ANTXR1: variants seen among roughly 807,000 people sequenced by gnomAD.
The protein encoded by ANTXR1 is anthrax toxin receptor 1.
In ANTXR1, 19 loss-of-function variants were observed where a neutral mutation model predicts 78.1. The ratio of observed to expected loss-of-function variants is 0.24; its 90% CI spans 0.17 to 0.36. ANTXR1 has a LOEUF of 0.36. Among genes scored for constraint, ANTXR1 ranks in the 10% least tolerant of loss-of-function variants. The pLI, the probability that ANTXR1 is intolerant of heterozygous loss-of-function variation, is 1.00. For missense variants in ANTXR1, 518 were observed against 718.6 expected (o/e 0.72, Z 3.19); for synonymous variants, 273 against 260.5 (o/e 1.05, Z -0.46).
chr2:69,115,563 C>T (rs540396556), intron 10 of ANTXR1, among the ~76,000 whole-genome samples: 80 of 152,318 alleles, frequency 5.3e-4, no homozygotes, highest in African/African-American at 1.9e-3. Flanking sequence ...GGTGACATAG[C>T]CAGTTAGTGG....
intron 12 of ANTXR1, among the ~76,000 whole-genome samples, chr2:69,133,250 C>A (rs1468340404): frequency 6.6e-6 from 1 of 152,142 alleles, no homozygotes; most frequent in Non-Finnish European, 1.5e-5. Context: ...TTCTCAATAC[C>A]AGGAAACAAC....
At chr2:69,221,013 T>C (rs2104510342) in intron 17 of ANTXR1, among the ~76,000 whole-genome samples, 1 of 152,336 alleles carries the variant, frequency 6.6e-6, no homozygotes, top group East Asian at 1.9e-4. Context: ...AGGAGATGGA[T>C]GGAATGCCAC....
intron 12 of ANTXR1, among the ~76,000 whole-genome samples, chr2:69,131,565 G>A (rs1387537927): frequency 1.3e-5 from 2 of 152,158 alleles, no homozygotes; most frequent in Admixed American, 1.3e-4. Context: ...GCATAGTATC[G>A]CCCCTATGTT....
rs1313811203 is a variant in ANTXR1 at position 69,013,194 on chromosome 2, T to C, written c.-306T>C. The C allele has an allele frequency of 2.1e-5, 6 of 279,680 alleles. No individual in the cohort carries two copies. Among genetic ancestry groups the C allele is most frequent in the Non-Finnish European group, 3.4e-5 (5 of 146,798 alleles). 17.3% of individuals were successfully genotyped at this position (279,680 alleles called of 1,614,324 possible). ...AACCGTCGGGACGGAACTCCTTCCA[T>C]TGCAAAAGCTCGGCGCGGCCTCGGG... On this transcript the variant is annotated 5_prime_UTR_variant, in exon 1 of 18. Coordinates refer to ENST00000303714, the MANE Select transcript of ANTXR1 (RefSeq NM_032208.3). This position sits in a 1 kb window ranked among gnomAD's most constrained non-coding sequence, Gnocchi z 5.0.
intron 9 of ANTXR1, 87 bp from the exon 10 acceptor site, chr2:69,102,755 T>C (rs1263502501): frequency 2.6e-5 from 35 of 1,331,382 alleles, no homozygotes; most frequent in Non-Finnish European, 3.6e-5. Flanking sequence ...CCTGGTGAAA[T>C]AGTGAACAAA....
At chr2:69,235,021 T>A (rs897225584) in intron 17 of ANTXR1, among the ~76,000 whole-genome samples, 120 of 131,668 alleles carry the variant, frequency 9.1e-4, no homozygotes, top group South Asian at 2.6e-3. Context: ...TGAAAGCTTT[T>A]TTTTTTTTTT....
intron 9 of ANTXR1, among the ~76,000 whole-genome samples, chr2:69,101,236 TTAAAA>T (rs1671606904): frequency 6.6e-6 from 1 of 152,150 alleles, no homozygotes; most frequent in Non-Finnish European, 1.5e-5. Flanking sequence ...CTGCCTAAAA[TTAAAA>T]TAAAATAAGC....
At chr2:69,090,126 GCCCCCTT>G (rs1671179144) in intron 8 of ANTXR1, among the ~76,000 whole-genome samples, 1 of 151,954 alleles carries the variant, frequency 6.6e-6, no homozygotes, top group Admixed American at 6.6e-5. Context: ...AGGCACAAAT[GCCCCCTT>G]TGAAGCTCAC....
chr2:69,204,643 GC>G (rs1674853833), intron 17 of ANTXR1, among the ~76,000 whole-genome samples: 1 of 152,100 alleles, frequency 6.6e-6, no homozygotes, highest in African/African-American at 2.4e-5. Flanking sequence ...GCTCGACACT[GC>G]CTGGCTCTCC....
At chr2:69,243,436 G>A (rs1209781855) in intron 17 of ANTXR1, among the ~76,000 whole-genome samples, 1 of 152,172 alleles carries the variant, frequency 6.6e-6, no homozygotes, top group African/African-American at 2.4e-5. Context: ...AGAACTCAAG[G>A]AAGCAAAGGG....
chr2:69,053,775 C>T (rs1669996026), intron 3 of ANTXR1, among the ~76,000 whole-genome samples: 1 of 152,130 alleles, frequency 6.6e-6, no homozygotes, highest in African/African-American at 2.4e-5. Flanking sequence ...CATTTTACTG[C>T]TGAGGAAAAT....
At chr2:69,068,655 A>G (rs1670474773) in intron 3 of ANTXR1, among the ~76,000 whole-genome samples, 1 of 152,202 alleles carries the variant, frequency 6.6e-6, no homozygotes, top group South Asian at 2.1e-4. Flanking sequence ...AGGATTTGGG[A>G]TATAATCCCA....
intron 13 of ANTXR1, among the ~76,000 whole-genome samples, chr2:69,158,913 C>T (rs571044873): frequency 8.5e-5 from 13 of 152,244 alleles, no homozygotes; most frequent in South Asian, 2.1e-4. Context: ...TCCTCCATGG[C>T]GAGGAGAAAC....
chr2:69,068,189 C>CTG (rs1670459813), intron 3 of ANTXR1, among the ~76,000 whole-genome samples: 1 of 152,188 alleles, frequency 6.6e-6, no homozygotes, highest in South Asian at 2.1e-4. Context: ...GTTCCAGGCA[C>CTG]TGTAGTAGGC....
chr2:69,019,408 T>C (rs1386173563), intron 1 of ANTXR1, among the ~76,000 whole-genome samples: 1 of 152,236 alleles, frequency 6.6e-6, no homozygotes, highest in Non-Finnish European at 1.5e-5. Flanking sequence ...GTTGATTTTG[T>C]TGTGAATTAT....
At chr2:69,154,958 T>C (rs1673486119) in intron 13 of ANTXR1, among the ~76,000 whole-genome samples, 1 of 152,182 alleles carries the variant, frequency 6.6e-6, no homozygotes, top group South Asian at 2.1e-4. Context: ...GTTTTAGATG[T>C]ACTGGCCAGG....
intron 17 of ANTXR1, 41 bp downstream of exon 17, chr2:69,193,456 C>A: frequency 7.7e-7 from 1 of 1,306,542 alleles, no homozygotes; most frequent in South Asian, 1.2e-5. Context: ...CTCTCTCTCT[C>A]TCTCACATAC....
intron 17 of ANTXR1, among the ~76,000 whole-genome samples, chr2:69,201,234 T>C (rs1674765086): frequency 6.6e-6 from 1 of 152,174 alleles, no homozygotes; most frequent in Non-Finnish European, 1.5e-5. Flanking sequence ...TCCAAATGCC[T>C]TCTTGAATGG....
chr2:69,112,990 G>C (rs982968488), intron 10 of ANTXR1, among the ~76,000 whole-genome samples: 2 of 152,144 alleles, frequency 1.3e-5, no homozygotes, highest in Non-Finnish European at 2.9e-5. Flanking sequence ...TTATTCTGGG[G>C]GTGAGTTGAC....
Sources: allele counts gnomAD v4.1 joint callset (sites outside exome capture counted in the v4.1 genomes callset), GRCh38; gene constraint gnomAD v4.1.1; non-coding constraint Gnocchi (gnomAD v3.1); transcripts MANE v1.5; gene names NCBI Gene and HGNC (gene_info 2026-07-23, HGNC 2026-07-21).